PDE4B: variants seen among roughly 807,000 people sequenced by gnomAD.
PDE4B encodes the protein 3',5'-cyclic-AMP phosphodiesterase 4B.
A neutral mutation model predicts 82.2 loss-of-function variants in PDE4B; 20 were observed. That is an observed-to-expected ratio of 0.24 (90% confidence interval 0.17 to 0.35). The LOEUF is 0.35. PDE4B is among the 10% of genes least tolerant of loss of function. PDE4B has a pLI of 1.00. For missense variants in PDE4B, 655 were observed against 907.2 expected, an observed-to-expected ratio of 0.72 and a Z score of 3.57; for synonymous variants, 320 against 318.9, an observed-to-expected ratio of 1.00 and a Z score of -0.04.
chr1:66,065,392 G>A (rs891118706), intron 3 of PDE4B, among the ~76,000 whole-genome samples: 2 of 151,892 alleles, frequency 1.3e-5, no homozygotes, highest in Non-Finnish European at 2.9e-5. Flanking sequence ...AATAATATGT[G>A]TGGTGGGTGT....
At chr1:65,883,275 T>C (rs1257285527) in intron 1 of PDE4B, among the ~76,000 whole-genome samples, 1 of 152,218 alleles carries the variant, frequency 6.6e-6, no homozygotes, top group Non-Finnish European at 1.5e-5. Flanking sequence ...ATATTGATTC[T>C]TCCTACCCAT....
chr1:66,249,743 A>T (rs566941303), intron 4 of PDE4B, among the ~76,000 whole-genome samples: 1 of 149,322 alleles, frequency 6.7e-6, no homozygotes, highest in South Asian at 2.1e-4. Context: ...TAAAAATTAT[A>T]TATGTAAATT....
chr1:65,891,716 T>C (rs1204195426), intron 1 of PDE4B, among the ~76,000 whole-genome samples: 1 of 152,102 alleles, frequency 6.6e-6, no homozygotes, highest in Non-Finnish European at 1.5e-5. Context: ...TTTTATTTAA[T>C]GAAAAGCATG....
intron 3 of PDE4B, among the ~76,000 whole-genome samples, chr1:66,109,767 G>T (rs983468996): frequency 6.6e-6 from 1 of 151,880 alleles, no homozygotes; most frequent in Non-Finnish European, 1.5e-5. Context: ...TATTGGTAGT[G>T]ATTGGACTTC....
chr1:66,088,297 A>G (rs562493250), intron 3 of PDE4B, among the ~76,000 whole-genome samples: 2 of 152,136 alleles, frequency 1.3e-5, no homozygotes, highest in Admixed American at 6.6e-5. Context: ...GGAAGTTAGT[A>G]AGTCAGTTTT....
chr1:66,112,294 T>C (rs1645505465), intron 3 of PDE4B, among the ~76,000 whole-genome samples: 1 of 152,154 alleles, frequency 6.6e-6, no homozygotes, highest in African/African-American at 2.4e-5. Context: ...GTACTTTTCA[T>C]TTAGATCATT....
At chr1:65,854,321 A>G (rs1337451306) in intron 1 of PDE4B, among the ~76,000 whole-genome samples, 2 of 151,822 alleles carry the variant, frequency 1.3e-5, no homozygotes, top group Non-Finnish European at 2.9e-5. Flanking sequence ...ATTTCCTCAT[A>G]TGTTTACAAA....
intron 3 of PDE4B, among the ~76,000 whole-genome samples, chr1:66,150,125 T>C (rs1213815932): frequency 2.0e-5 from 3 of 152,210 alleles, no homozygotes; most frequent in Non-Finnish European, 2.9e-5. Context: ...TATATCCTTA[T>C]GCTAGTATCA....
chr1:66,039,247 A>AT (rs1654232347), intron 3 of PDE4B, among the ~76,000 whole-genome samples: 1 of 152,050 alleles, frequency 6.6e-6, no homozygotes, highest in Admixed American at 6.6e-5. Context: ...CAACATTTGC[A>AT]TTTTTTATAT....
chr1:65,834,121 T>G (rs369678136), intron 1 of PDE4B, among the ~76,000 whole-genome samples: 7 of 152,320 alleles, frequency 4.6e-5, no homozygotes, highest in Admixed American at 1.3e-4. Flanking sequence ...CTCAGCTCAC[T>G]GCAACCTCCG....
At chr1:66,331,313 A>G (rs879666469) in intron 7 of PDE4B, among the ~76,000 whole-genome samples, 2 of 152,202 alleles carry the variant, frequency 1.3e-5, no homozygotes, top group Admixed American at 6.5e-5. Context: ...ATCTTGGTAG[A>G]GTTTATAAAT....
chr1:66,015,733 A>G (rs540138263), intron 3 of PDE4B, among the ~76,000 whole-genome samples: 121 of 152,300 alleles, frequency 7.9e-4, no homozygotes, highest in African/African-American at 2.8e-3. Flanking sequence ...GCTGAAATCA[A>G]ATTAATATTT....
At chr1:66,017,537 T>G (rs977812981) in intron 3 of PDE4B, among the ~76,000 whole-genome samples, 2 of 152,208 alleles carry the variant, frequency 1.3e-5, no homozygotes, top group Non-Finnish European at 2.9e-5. Flanking sequence ...GCATATAGGA[T>G]CACATTTTCT....
intron 3 of PDE4B, among the ~76,000 whole-genome samples, chr1:66,148,325 A>G (rs1035044936): frequency 1.3e-5 from 2 of 151,996 alleles, no homozygotes; most frequent in African/African-American, 4.8e-5. Context: ...TAGGAACATA[A>G]GAATTTGCAC....
At chr1:65,876,308 T>C (rs1646643048) in intron 1 of PDE4B, among the ~76,000 whole-genome samples, 1 of 152,128 alleles carries the variant, frequency 6.6e-6, no homozygotes, top group Non-Finnish European at 1.5e-5. Flanking sequence ...TGAACTGAAA[T>C]ATTGTCCCTA....
chr1:65,876,543 A>G (rs1175641318), intron 1 of PDE4B, among the ~76,000 whole-genome samples: 2 of 152,158 alleles, frequency 1.3e-5, no homozygotes, highest in South Asian at 2.1e-4. Context: ...ATCTTTTTAT[A>G]TAGGTGTCAG....
intron 8 of PDE4B, among the ~76,000 whole-genome samples, chr1:66,336,060 T>C (rs1216480289): frequency 6.6e-6 from 1 of 152,076 alleles, no homozygotes; most frequent in African/African-American, 2.4e-5. Context: ...AGAAAGCAAA[T>C]AGCCTCAGCA....
At chr1:65,922,709 T>C (rs1647293059) in intron 3 of PDE4B, among the ~76,000 whole-genome samples, 1 of 152,142 alleles carries the variant, frequency 6.6e-6, no homozygotes, top group Non-Finnish European at 1.5e-5. Context: ...ACATGGCCAG[T>C]TCCCCCTTAT....
intron 6 of PDE4B, among the ~76,000 whole-genome samples, chr1:66,263,185 T>C (rs1654809784): frequency 6.6e-6 from 1 of 152,128 alleles, no homozygotes. Context: ...GGAAATACAA[T>C]ATAGAATGAG....
Sources: allele counts gnomAD v4.1 joint callset (sites outside exome capture counted in the v4.1 genomes callset), GRCh38; gene constraint gnomAD v4.1.1; transcripts MANE v1.5; gene names NCBI Gene and HGNC (gene_info 2026-07-23, HGNC 2026-07-21).